Variants in QSOX1 observed in about 807,000 individuals in gnomAD.
QSOX1 encodes sulfhydryl oxidase 1.
Under a neutral mutation model 76.1 loss-of-function variants are expected in QSOX1, and 40 were observed. That is an observed-to-expected ratio of 0.53 (90% CI 0.41 to 0.68). QSOX1 has a LOEUF of 0.68. QSOX1 is among the 30% of genes least tolerant of loss of function. The probability of loss-of-function intolerance (pLI) is 0.00; values close to 1 mark genes in which losing one functional copy is unlikely to be tolerated. For synonymous variants in QSOX1, 392 were observed against 413.1 expected (o/e 0.95, Z 0.62); for missense variants, 931 against 974.3 (o/e 0.96, Z 0.59).
intron 8 of QSOX1, 151 bp downstream of exon 8, chr1:180,186,333 G>T: frequency 9.0e-7 from 1 of 1,106,692 alleles, no homozygotes; most frequent in Non-Finnish European, 1.3e-6. Flanking sequence ...TCCACCATAG[G>T]TGATACCCTC....
chr1:180,191,764 G>C (rs765581350), intron 10 of QSOX1, among the ~76,000 whole-genome samples: 5 of 152,192 alleles, frequency 3.3e-5, no homozygotes, highest in Non-Finnish European at 7.3e-5. Flanking sequence ...GAGAGGAGAA[G>C]GCAGTGTGGG....
rs566304250 is a variant in QSOX1 at position 180,196,153 on chromosome 1, C to T, written c.1469-109C>T. 1.2e-5 allele frequency: 17 copies of T among 1,360,994 alleles called. No individual in the cohort carries two copies. The highest frequency in any genetic ancestry group is 4.6e-5 in the Admixed American group (2 of 43,104). 84.3% of individuals were successfully genotyped at this position (1,360,994 alleles called of 1,614,324 possible). ...TACCCATCCTCTGGAAGGGCAGTGG[C>T]GAGCCCTTTCTGCAGACAAGGAAGC... On this transcript the variant is annotated intron_variant, in intron 11 of 11. Transcript: ENST00000367602. This position sits in a 1 kb window ranked among gnomAD's most constrained non-coding sequence, Gnocchi z 4.1.
chr1:180,162,489 ACT>A lies in QSOX1; in HGVS notation c.266-4001_266-4000del, dbSNP rs61087963. The stretch of plus-strand genomic sequence containing the variant: ...GGTGGCTCATGACGGTAATCCCAAC[ACT>A]TTGGGAGGCCGAGGCAGGAGGATAC... On this transcript the variant is annotated intron_variant, in intron 1 of 11. Transcript: ENST00000367602. 0.022 allele frequency among the ~76,000 whole-genome samples: 3,336 copies of A among 152,248 alleles called. 188 individuals carry two copies. The East Asian group carries it at 0.23, about 11-fold the overall frequency.
chr1:180,184,302 C>T (rs1190544145), intron 7 of QSOX1, among the ~76,000 whole-genome samples: 2 of 152,212 alleles, frequency 1.3e-5, no homozygotes, highest in African/African-American at 2.4e-5. Context: ...GAACACCTTC[C>T]ATGCCCACGC....
intron 1 of QSOX1, among the ~76,000 whole-genome samples, chr1:180,157,196 G>T (rs1305801704): frequency 1.3e-5 from 2 of 152,242 alleles, no homozygotes; most frequent in Non-Finnish European, 2.9e-5. Context: ...CAGGGTAAAT[G>T]GGAGGTGGGA....
intron 2 of QSOX1, among the ~76,000 whole-genome samples, chr1:180,170,713 C>G (rs1662741749): frequency 6.6e-6 from 1 of 152,204 alleles, no homozygotes; most frequent in Non-Finnish European, 1.5e-5. Context: ...GCACACGCCC[C>G]AGTGGTTGAC....
rs7597 is a variant in QSOX1 at position 180,197,955 on chromosome 1, C to A, written c.*918C>A. Reference sequence around the variant, plus strand: ...AGAAGTTAGAAGGGTCTGGCGGGGGCAGTGCCTTACACATGCTTGATTCCC... The same window carrying A: ...AGAAGTTAGAAGGGTCTGGCGGGGGAAGTGCCTTACACATGCTTGATTCCC... On this transcript the variant is annotated 3_prime_UTR_variant, in exon 12 of 12. Transcript: ENST00000367602. The A allele has an allele frequency of 1.7e-5, 6 of 349,822 alleles. No homozygotes were observed. The highest frequency in any genetic ancestry group is 4.2e-5 in the South Asian group (2 of 47,300). The allele number at this position is 349,822 out of a possible 1,614,324, so 21.7% of individuals were successfully genotyped here.
intron 7 of QSOX1, among the ~76,000 whole-genome samples, chr1:180,184,775 G>T (rs192661088): frequency 6.6e-6 from 1 of 152,318 alleles, no homozygotes; most frequent in East Asian, 1.9e-4. Flanking sequence ...GCACGAGACA[G>T]TGGGGGAAAG....
Position 180,197,046 on chromosome 1 carries a change from G to T in QSOX1, c.*9G>T, listed in dbSNP as rs373621285. 4.4e-6 allele frequency: 7 copies of T among 1,594,280 alleles called. No homozygotes were observed. In the East Asian group the frequency reaches 1.1e-4, roughly 26 times the overall value. On this transcript the variant is annotated 3_prime_UTR_variant, in exon 12 of 12. Transcript: ENST00000367602. ...GCCACCCTGCAGCCTGAACCACCTG[G>T]GGAGGAGGCGGGAGAGGGAGCTGCC...
rs1365998507 is a variant in QSOX1, at chr1:180,196,620, G to A, written c.1827G>A (p.Leu609=). The A allele has an allele frequency of 6.2e-7, 1 of 1,614,198 alleles. No homozygotes were observed. Among genetic ancestry groups the A allele is most frequent in the East Asian group, 2.2e-5 (1 of 44,880 alleles). ...CTGAGGCAAGTCGACCCCCGAAGCTGCACCCTGGCCTCAGAGCTGCACCAG... is the reference window on the plus strand; with the variant it reads ...CTGAGGCAAGTCGACCCCCGAAGCTACACCCTGGCCTCAGAGCTGCACCAG... ...EGPEASRPPK[L]HPGLRAAPGQ... is the part of the protein sequence containing the mutation. The change falls in exon 12 of 12, where the codon CTG becomes CTA. Residue 609 remains leucine (L), a synonymous_variant. Transcript: ENST00000367602. The surrounding 1 kb of genome is among the most constrained non-coding windows in gnomAD (Gnocchi z 4.1).
rs1422113978 is a variant in QSOX1, at chr1:180,194,272, C to T, written c.1348C>T (p.Arg450Ter). ...RGYVHYFFGC[R>*]DCASHFEQMA... The stretch of plus-strand genomic sequence containing the variant: ...CTACGTGCACTACTTCTTCGGCTGC[C>T]GAGACTGCGCTAGCCACTTCGAGCA... Residue 450 changes from arginine to a stop codon, truncating the protein, a stop_gained, in exon 11 of 12, where the codon CGA becomes TGA. Coordinates refer to ENST00000367602, the MANE Select transcript of QSOX1 (RefSeq NM_002826.5). LOFTEE classifies it high-confidence loss of function. 7 of 1,613,060 alleles carry T rather than the reference C, an allele frequency of 4.3e-6. No individual in the cohort carries two copies. Among genetic ancestry groups the T allele is most frequent in the South Asian group, 1.1e-5 (1 of 91,028 alleles).
intron 6 of QSOX1, among the ~76,000 whole-genome samples, chr1:180,182,581 C>T (rs1011000098): frequency 1.3e-5 from 2 of 152,094 alleles, no homozygotes; most frequent in Non-Finnish European, 2.9e-5. Flanking sequence ...ACCCTCATTA[C>T]GTCCCCACCA....
chr1:180,179,344 C>A lies in QSOX1; in HGVS notation c.606+460C>A, dbSNP rs1438611016. Among the ~76,000 whole-genome samples the A allele has an allele frequency of 2.6e-5, 4 of 152,262 alleles. No individual in the cohort carries two copies. The East Asian group carries it at 7.7e-4, about 29-fold the overall frequency. On this transcript the variant is annotated intron_variant, in intron 5 of 11. Transcript: ENST00000367602. ...GAGGGAACATTAGCGACGCCCTAGCCCCACCGGAGGAAATGGGGTCCTTTA... is the reference window on the plus strand; with the variant it reads ...GAGGGAACATTAGCGACGCCCTAGCACCACCGGAGGAAATGGGGTCCTTTA...
At chr1:180,186,550 C>T (rs1210700386) in intron 8 of QSOX1, among the ~76,000 whole-genome samples, 1 of 151,804 alleles carries the variant, frequency 6.6e-6, no homozygotes, top group Non-Finnish European at 1.5e-5. Context: ...AAAGCAGGAC[C>T]CCTAGGACAC....
chr1:180,179,454 G>A (rs1662975996), intron 5 of QSOX1, among the ~76,000 whole-genome samples: 1 of 152,256 alleles, frequency 6.6e-6, no homozygotes, highest in African/African-American at 2.4e-5. Flanking sequence ...TAGAAAGCAG[G>A]GATGATTACG....
rs114288346 is a variant in QSOX1 at position 180,169,058 on chromosome 1, A to G, written c.366+2467A>G. On this transcript the variant is annotated intron_variant, in intron 2 of 11. Transcript: ENST00000367602. ...CTTCTGTCTCCAGCCCCTTGTCACT[A>G]TGAGCAAACAGTGAGCTTCTACCAG... is the stretch of plus-strand genomic sequence containing the variant. Among the ~76,000 whole-genome samples, 1,078 of 152,348 alleles carry G rather than the reference A, an allele frequency of 7.1e-3. 10 individuals are homozygous for G. The highest frequency in any genetic ancestry group is 0.024 in the African/African-American group (1,012 of 41,582).
chr1:180,171,840 G>C (rs896442467), intron 2 of QSOX1, among the ~76,000 whole-genome samples: 6 of 152,194 alleles, frequency 3.9e-5, no homozygotes, highest in Non-Finnish European at 8.8e-5. Context: ...GTGGCAACGT[G>C]AAAGCAACAA....
intron 11 of QSOX1, 96 bp downstream of exon 11, chr1:180,194,488 C>A: frequency 2.5e-6 from 3 of 1,196,104 alleles, no homozygotes; most frequent in African/African-American, 1.5e-5. Context: ...GGAAGGGACA[C>A]TCATTGTCCC....
chr1:180,175,996 A>T lies in QSOX1; in HGVS notation c.478A>T (p.Thr160Ser), dbSNP rs1452680690. ...TGACGCCCTGGAGTCCCATCATGAC[A>T]CGTGGCCCCCAGCCTGTCCCCCACT... ...LIDALESHHD[T>S]WPPACPPLEP... Residue 160 changes from threonine (T) to serine (S), a missense_variant, in exon 4 of 12, where the codon ACG becomes TCG. Physicochemically the swap from Thr to Ser is moderately conservative, Grantham distance 58. Coordinates refer to ENST00000367602, the MANE Select transcript of QSOX1 (RefSeq NM_002826.5). 6.2e-7 allele frequency: 1 copy of T among 1,601,840 alleles called. No homozygotes were observed. Among genetic ancestry groups the T allele is most frequent in the Non-Finnish European group, 8.5e-7 (1 of 1,175,032 alleles).
Sources: allele counts gnomAD v4.1 joint callset (sites outside exome capture counted in the v4.1 genomes callset), GRCh38; gene constraint gnomAD v4.1.1; non-coding constraint Gnocchi (gnomAD v3.1); transcripts MANE v1.5; gene names NCBI Gene and HGNC (gene_info 2026-07-23, HGNC 2026-07-21).